Variants in SP100 observed in about 807,000 individuals in gnomAD.
SP100 encodes the protein SP100 nuclear body protein.
Under a neutral mutation model 130.0 loss-of-function variants are expected in SP100, and 84 were observed. The ratio of observed to expected loss-of-function variants is 0.65; its 90% CI spans 0.54 to 0.77. The LOEUF (loss-of-function observed/expected upper bound fraction) is 0.77. Ranked by LOEUF, SP100 falls within the 30% of genes least tolerant of loss-of-function variation. The probability of loss-of-function intolerance (pLI) is 0.00; values close to 1 mark genes in which losing one functional copy is unlikely to be tolerated. For synonymous variants in SP100, 331 were observed against 351.7 expected, an observed-to-expected ratio of 0.94 and a Z score of 0.66; for missense variants, 978 against 1,052.2, an observed-to-expected ratio of 0.93 and a Z score of 0.97.
Position 230,417,677 on chromosome 2 carries a change from A to G in SP100, c.107+12A>G, listed in dbSNP as rs369786894. 42 of 1,610,730 alleles carry G rather than the reference A, an allele frequency of 2.6e-5. No homozygotes were observed. Among genetic ancestry groups the G allele is most frequent in the East Asian group, 2.2e-4 (10 of 44,738 alleles). On this transcript the variant is annotated intron_variant, in intron 2 of 28. Coordinates refer to ENST00000340126, the MANE Select transcript of SP100 (RefSeq NM_001080391.2). ...CACGATTTGCAAAGGTGATGAATGA[A>G]GAGTTATGTCTTGTTTTAATTTGTA...
At chr2:230,432,359 G>C (rs534892534) in intron 2 of SP100, among the ~76,000 whole-genome samples, 1 of 152,150 alleles carries the variant, frequency 6.6e-6, no homozygotes, top group East Asian at 1.9e-4. Context: ...TTGCATACAA[G>C]CCTTTGTGTG....
intron 2 of SP100, among the ~76,000 whole-genome samples, chr2:230,421,504 CAT>C (rs55963279): frequency 9.6e-5 from 14 of 146,210 alleles, no homozygotes; most frequent in South Asian, 2.2e-4. Flanking sequence ...AGAAGATATA[CAT>C]ATATATATAT....
intron 24 of SP100, among the ~76,000 whole-genome samples, chr2:230,525,124 A>G (rs1691360264): frequency 6.6e-6 from 1 of 152,198 alleles, no homozygotes; most frequent in South Asian, 2.1e-4. Context: ...AGGATTTTGT[A>G]TGGTAAATTT....
chr2:230,469,023 G>C lies in SP100; in HGVS notation c.1292-20G>C. 6.7e-7 allele frequency: 1 copy of C among 1,494,964 alleles called. No homozygotes were observed. Among genetic ancestry groups the C allele is most frequent in the South Asian group, 1.2e-5 (1 of 84,376 alleles). The allele number at this position is 1,494,964 out of a possible 1,614,324, so 92.6% of individuals were successfully genotyped here. On this transcript the variant is annotated intron_variant, in intron 13 of 28. Transcript: ENST00000340126. ...TCTTTTAGTTAGATATTATTGATTT[G>C]GTTTTCCTTTACTTTCTAGCTCCTA...
intron 8 of SP100, among the ~76,000 whole-genome samples, chr2:230,457,076 C>T (rs1054718288): frequency 2.0e-5 from 3 of 152,164 alleles, no homozygotes; most frequent in Non-Finnish European, 2.9e-5. Context: ...AGCCTTTCAC[C>T]CTATTTAAAG....
intron 19 of SP100, among the ~76,000 whole-genome samples, 157 bp from the exon 20 acceptor site, chr2:230,502,908 CT>C (rs2067116907): frequency 6.6e-6 from 1 of 152,156 alleles, no homozygotes; most frequent in African/African-American, 2.4e-5. Flanking sequence ...ACCTTAACTA[CT>C]TACTATCTGT....
intron 8 of SP100, among the ~76,000 whole-genome samples, chr2:230,451,596 T>C (rs899964637): frequency 3.3e-5 from 5 of 152,260 alleles, no homozygotes; most frequent in South Asian, 2.1e-4. Context: ...CTGTAGGTTG[T>C]CTCTTCACTC....
chr2:230,495,239 C>G (rs1034993513), intron 18 of SP100, among the ~76,000 whole-genome samples: 1 of 152,150 alleles, frequency 6.6e-6, no homozygotes, highest in Non-Finnish European at 1.5e-5. Context: ...GAGAAACAGA[C>G]AGAGAGAACT....
chr2:230,417,702 A>G (rs2062648947), intron 2 of SP100, 37 bp downstream of exon 2: 1 of 1,592,068 alleles, frequency 6.3e-7, no homozygotes, highest in Non-Finnish European at 8.5e-7. Flanking sequence ...TTTAATTTGT[A>G]TTTTCCTTAC....
intron 2 of SP100, among the ~76,000 whole-genome samples, chr2:230,433,699 C>A (rs960400335): frequency 1.3e-5 from 2 of 151,892 alleles, no homozygotes; most frequent in Non-Finnish European, 2.9e-5. Context: ...GTCTTGCATT[C>A]TGTTTGTTCA....
At chr2:230,541,191 T>C in intron 26 of SP100, 110 bp from the exon 27 acceptor site, 1 of 1,243,122 alleles carries the variant, frequency 8.0e-7, no homozygotes, top group Middle Eastern at 1.9e-4. Flanking sequence ...CATGCCATGT[T>C]TGTTTCAAAG....
At position 230,483,686 on chromosome 2, in the gene SP100, G is replaced by A. The variant is rs182970854; in HGVS notation, c.1600+9239G>A. On this transcript the variant is annotated intron_variant, in intron 17 of 28. Coordinates refer to ENST00000340126, the MANE Select transcript of SP100 (RefSeq NM_001080391.2). ...GAATTGGACTAAGTTGGTAGCAGTG[G>A]AAGCGTTCAAAAGTGGGTAGATTCT... Among the ~76,000 whole-genome samples the A allele has an allele frequency of 2.7e-3, 409 of 152,276 alleles. 1 individual carries two copies. The highest frequency in any genetic ancestry group is 4.9e-3 in the Non-Finnish European group (330 of 67,998).
At chr2:230,527,246 C>G (rs558503666) in intron 24 of SP100, among the ~76,000 whole-genome samples, 13 of 152,254 alleles carry the variant, frequency 8.5e-5, no homozygotes, top group South Asian at 4.1e-4. Flanking sequence ...ACTCTACAAG[C>G]CAGAAGACAG....
At chr2:230,514,644 C>T (rs1477658946) in intron 24 of SP100, among the ~76,000 whole-genome samples, 2 of 152,038 alleles carry the variant, frequency 1.3e-5, no homozygotes, top group Non-Finnish European at 2.9e-5. Context: ...TGTACTTGAC[C>T]TGATTATTTA....
At chr2:230,472,626 A>T (rs188568880) in intron 15 of SP100, among the ~76,000 whole-genome samples, 101 of 152,170 alleles carry the variant, frequency 6.6e-4, no homozygotes, top group Middle Eastern at 6.8e-3. Context: ...GTACAACAAG[A>T]AGTATGTAGA....
At chr2:230,429,309 G>A (rs926190772) in intron 2 of SP100, among the ~76,000 whole-genome samples, 16 of 152,178 alleles carry the variant, frequency 1.1e-4, no homozygotes, top group African/African-American at 2.9e-4. Flanking sequence ...GGAGGTTTCT[G>A]CCGAGAAATT....
rs762236298 is a variant in SP100 at position 230,461,315 on chromosome 2, C to T, written c.874C>T (p.Arg292Ter). ...AATCCAAATTAATTCCTGTTCTGTG[C>T]GACTGGTGGATATAAAAAAGGAAAA... ...HGIQINSCSV[R>*]LVDIKKEKPF... The change falls in exon 9 of 29, where the codon CGA becomes TGA. Residue 292 changes from arginine (R) to a stop codon, truncating the protein, a stop_gained. Coordinates refer to ENST00000340126, the MANE Select transcript of SP100 (RefSeq NM_001080391.2). LOFTEE classifies it high-confidence loss of function. The T allele has an allele frequency of 1.1e-5, 18 of 1,613,760 alleles. No individual in the cohort carries two copies. Among genetic ancestry groups the T allele is most frequent in the Non-Finnish European group, 1.4e-5 (16 of 1,179,814 alleles).
At chr2:230,472,166 T>C (rs1649888) in intron 15 of SP100, among the ~76,000 whole-genome samples, 35,605 of 151,998 alleles carry the variant, frequency 0.23, 5,062 homozygotes, top group Non-Finnish European at 0.33. Context: ...CAGTGACTCA[T>C]GCCTGTAATC....
At chr2:230,432,049 C>T (rs1286932762) in intron 2 of SP100, among the ~76,000 whole-genome samples, 1 of 152,196 alleles carries the variant, frequency 6.6e-6, no homozygotes, top group Non-Finnish European at 1.5e-5. Flanking sequence ...AATTCCTGCT[C>T]CTATTCTCCA....
Sources: allele counts gnomAD v4.1 joint callset (sites outside exome capture counted in the v4.1 genomes callset), GRCh38; gene constraint gnomAD v4.1.1; transcripts MANE v1.5; gene names NCBI Gene and HGNC (gene_info 2026-07-23, HGNC 2026-07-21).